Variants in FHIT observed in about 807,000 individuals in gnomAD.
FHIT encodes the protein bis(5'-adenosyl)-triphosphatase.
Under a neutral mutation model 17.9 loss-of-function variants are expected in FHIT, and 19 were observed. The observed-to-expected ratio is 1.06, with a 90% CI of 0.74 to 1.56. The LOEUF is 1.56. Ranked by LOEUF, FHIT falls within the 40% of genes most tolerant of loss-of-function variation. The pLI is 0.00. For synonymous variants in FHIT, 81 were observed against 69.7 expected (o/e 1.16, Z -0.81); for missense variants, 248 against 189.2 (o/e 1.31, Z -1.82).
chr3:59,937,732 C>T (rs1706312415), intron 7 of FHIT, among the ~76,000 whole-genome samples: 1 of 152,118 alleles, frequency 6.6e-6, no homozygotes, highest in Non-Finnish European at 1.5e-5. Flanking sequence ...TAAGATTTTT[C>T]ATCATTCAAT....
At chr3:60,562,542 A>C (rs1264275289) in intron 4 of FHIT, among the ~76,000 whole-genome samples, 2 of 152,196 alleles carry the variant, frequency 1.3e-5, no homozygotes, top group African/African-American at 4.8e-5. Flanking sequence ...GGAGTCTGAC[A>C]CTGACTATTA....
At chr3:60,693,702 G>A (rs529343465) in intron 4 of FHIT, among the ~76,000 whole-genome samples, 24 of 152,206 alleles carry the variant, frequency 1.6e-4, no homozygotes, top group African/African-American at 4.8e-4. Flanking sequence ...ACTTGACCTC[G>A]TCCTGCAAAC....
At chr3:60,776,220 A>T (rs1377860572) in intron 4 of FHIT, among the ~76,000 whole-genome samples, 2 of 152,138 alleles carry the variant, frequency 1.3e-5, no homozygotes, top group African/African-American at 2.4e-5. Context: ...TGTAAGATTC[A>T]ATGTCTGCAT....
chr3:59,797,272 C>T (rs561435077), intron 8 of FHIT, among the ~76,000 whole-genome samples: 6 of 151,874 alleles, frequency 4.0e-5, no homozygotes, highest in Non-Finnish European at 5.9e-5. Context: ...CTGTAACCTC[C>T]GCCTCCTGGG....
chr3:60,509,229 C>G (rs1031385769), intron 5 of FHIT, among the ~76,000 whole-genome samples: 1 of 152,196 alleles, frequency 6.6e-6, no homozygotes, highest in African/African-American at 2.4e-5. Context: ...TACATCACTT[C>G]AATGGCAGCA....
chr3:60,445,478 GAAGA>G (rs958593659), intron 5 of FHIT, among the ~76,000 whole-genome samples: 1 of 140,044 alleles, frequency 7.1e-6, no homozygotes, highest in Non-Finnish European at 1.5e-5. Flanking sequence ...AGAAGAAGAA[GAAGA>G]AAAAAAAAAG....
In FHIT at chr3:59,868,061, A is replaced by C. The variant is rs572987430; in HGVS notation, c.348+54285T>G. 5.3e-5 allele frequency among the ~76,000 whole-genome samples: 8 copies of C among 151,788 alleles called. No homozygotes were observed. In the East Asian group the frequency reaches 5.8e-4, roughly 11 times the overall value. ...TTTTTTTTTTTTAAAAAAAAAAAAA[A>C]AAAAACCTTTCATTGTGTTTTGCCA... On this transcript the variant is annotated intron_variant, in intron 8 of 9. Coordinates refer to ENST00000492590, the MANE Select transcript of FHIT (RefSeq NM_002012.4).
chr3:60,331,679 T>A (rs1319127677), intron 5 of FHIT, among the ~76,000 whole-genome samples: 24 of 152,066 alleles, frequency 1.6e-4, no homozygotes, highest in Admixed American at 1.6e-3. Context: ...AAACCTCGTA[T>A]CTGCTAAAAA....
intron 5 of FHIT, among the ~76,000 whole-genome samples, chr3:60,190,354 C>T (rs1379923305): frequency 7.1e-6 from 1 of 141,658 alleles, no homozygotes; most frequent in African/African-American, 2.6e-5. Context: ...GAGATGAGAC[C>T]AGAAAAAAAA....
chr3:61,037,375 A>G (rs901678033), intron 3 of FHIT, among the ~76,000 whole-genome samples: 3 of 152,184 alleles, frequency 2.0e-5, no homozygotes, highest in African/African-American at 7.2e-5. Context: ...GTAAAGCAAG[A>G]AAAATAATAG....
intron 5 of FHIT, among the ~76,000 whole-genome samples, chr3:60,359,662 A>G (rs17062817): frequency 6.6e-6 from 1 of 150,386 alleles, no homozygotes; most frequent in African/African-American, 2.4e-5. Context: ...TGTTTTCGCC[A>G]AAGAGACAGG....
At chr3:60,486,213 A>G (rs565634056) in intron 5 of FHIT, among the ~76,000 whole-genome samples, 1 of 152,284 alleles carries the variant, frequency 6.6e-6, no homozygotes, top group East Asian at 1.9e-4. Context: ...TATATAAACA[A>G]TAATAGAAAA....
At position 60,393,897 on chromosome 3, in the gene FHIT, C is replaced by A. The variant is rs1236600139; in HGVS notation, c.103+142963G>T. Among the ~76,000 whole-genome samples, 4 of 152,144 alleles carry A rather than the reference C, an allele frequency of 2.6e-5. No homozygotes were observed. The East Asian group carries it at 7.7e-4, about 29-fold the overall frequency. Reference sequence around the variant, plus strand: ...CTCCTGTGGGCCTCTGCATTTGCCACCCTGCTCTGCGTTCAGTAATAACTG... The same window carrying A: ...CTCCTGTGGGCCTCTGCATTTGCCAACCTGCTCTGCGTTCAGTAATAACTG... On this transcript the variant is annotated intron_variant, in intron 5 of 9. Coordinates refer to ENST00000492590, the MANE Select transcript of FHIT (RefSeq NM_002012.4).
At chr3:60,839,156 T>C (rs1702632854) in intron 3 of FHIT, among the ~76,000 whole-genome samples, 2 of 152,158 alleles carry the variant, frequency 1.3e-5, no homozygotes, top group Non-Finnish European at 2.9e-5. Context: ...CACGAGGAGC[T>C]ACCGAACAGA....
intron 4 of FHIT, among the ~76,000 whole-genome samples, chr3:60,683,104 T>A (rs1182171733): frequency 1.3e-5 from 2 of 152,214 alleles, no homozygotes; most frequent in African/African-American, 4.8e-5. Flanking sequence ...AGTTGCTTCT[T>A]ACGGGTAAGC....
intron 2 of FHIT, among the ~76,000 whole-genome samples, chr3:61,102,115 G>A (rs1174473646): frequency 6.6e-6 from 1 of 152,142 alleles, no homozygotes; most frequent in Admixed American, 6.5e-5. Flanking sequence ...GTGAGAGAGG[G>A]CATCCTTGTC....
At chr3:60,924,213 A>G (rs1707452473) in intron 3 of FHIT, among the ~76,000 whole-genome samples, 1 of 152,132 alleles carries the variant, frequency 6.6e-6, no homozygotes, top group Non-Finnish European at 1.5e-5. Context: ...GAGAGTAGTG[A>G]TTCTCCCAGC....
chr3:60,524,835 T>A (rs1440110479), intron 5 of FHIT, among the ~76,000 whole-genome samples: 1 of 152,168 alleles, frequency 6.6e-6, no homozygotes, highest in Non-Finnish European at 1.5e-5. Context: ...CAGGATAATC[T>A]CCCCACCTCA....
chr3:60,975,049 T>C (rs1311157474), intron 3 of FHIT, among the ~76,000 whole-genome samples: 1 of 152,190 alleles, frequency 6.6e-6, no homozygotes, highest in African/African-American at 2.4e-5. Context: ...CTGTAAGTAA[T>C]ATTCCCAGGA....
Sources: gnomAD v4.1 joint callset for allele counts (sites outside exome capture counted in the v4.1 genomes callset) on GRCh38, gnomAD v4.1.1 for gene constraint, MANE v1.5 for transcripts, NCBI Gene and HGNC (gene_info 2026-07-23, HGNC 2026-07-21) for gene names.